The following ACTA2 variants were observed in gnomAD, a reference collection of about 807,000 sequenced individuals.
ACTA2 encodes actin alpha 2, smooth muscle.
ACTA2 carries 12 observed loss-of-function variants against 39.5 expected under a neutral mutation model. The observed-to-expected ratio is 0.30, with a 90% CI of 0.19 to 0.49. ACTA2 has a LOEUF of 0.49. Ranked by LOEUF, ACTA2 falls within the 20% of genes least tolerant of loss-of-function variation. ACTA2 has a pLI of 0.99. For synonymous variants in ACTA2, 158 were observed against 180.6 expected, an observed-to-expected ratio of 0.88 and a Z score of 1.00; for missense variants, 236 against 498.8, an observed-to-expected ratio of 0.47 and a Z score of 5.02.
At chr10:88,943,621 A>G (rs1011264084) in intron 4 of ACTA2, 176 bp downstream of exon 4, 45 of 695,700 alleles carry the variant, frequency 6.5e-5, no homozygotes, top group Non-Finnish European at 1.1e-4. Context: ...CCCTGCAGGA[A>G]GGATGCAAGT....
intron 4 of ACTA2, among the ~76,000 whole-genome samples, chr10:88,942,402 G>A (rs145704228): frequency 6.6e-6 from 1 of 152,338 alleles, no homozygotes; most frequent in East Asian, 1.9e-4. Context: ...CCCCATTTCT[G>A]TGATTTGTCT....
intron 3 of ACTA2, among the ~76,000 whole-genome samples, chr10:88,945,131 A>C (rs1845922393): frequency 6.6e-6 from 1 of 152,214 alleles, no homozygotes; most frequent in Admixed American, 6.5e-5. Context: ...ACCAGAAGAT[A>C]CTTTGAATTT....
chr10:88,989,364 C>T (rs2133375601), intron 1 of ACTA2: 6 of 293,568 alleles, frequency 2.0e-5, no homozygotes, highest in Admixed American at 4.1e-5. Context: ...TTTAAATGAA[C>T]TTTTCATTTT....
chr10:88,955,680 T>C (rs1846126703), upstream of ACTA2, among the ~76,000 whole-genome samples: 1 of 152,232 alleles, frequency 6.6e-6, no homozygotes, highest in South Asian at 2.1e-4. Context: ...CATAATGTTT[T>C]CATTTATTTC....
At chr10:88,963,181 C>G (rs549351423) in intron 1 of ACTA2, among the ~76,000 whole-genome samples, 1 of 151,488 alleles carries the variant, frequency 6.6e-6, no homozygotes, top group Admixed American at 6.6e-5. Flanking sequence ...GGTGGGGACA[C>G]AGCCAAACCA....
At chr10:88,970,772 G>T (rs1440318863) in intron 1 of ACTA2, among the ~76,000 whole-genome samples, 2 of 152,034 alleles carry the variant, frequency 1.3e-5, no homozygotes, top group Non-Finnish European at 2.9e-5. Context: ...TAATGTAAAT[G>T]ACAAGTTAAT....
At chr10:88,986,054 G>C (rs1202238692) in intron 1 of ACTA2, among the ~76,000 whole-genome samples, 2 of 152,038 alleles carry the variant, frequency 1.3e-5, no homozygotes, top group Non-Finnish European at 2.9e-5. Context: ...AAATGACTTA[G>C]GGAACAAAAT....
At position 88,943,793 on chromosome 10, in the gene ACTA2, T is replaced by G; in HGVS notation, c.369+4A>C. The G allele has an allele frequency of 6.2e-7, 1 of 1,610,888 alleles. No homozygotes were observed. The highest frequency in any genetic ancestry group is 8.5e-7 in the Non-Finnish European group (1 of 1,177,112). On this transcript the variant is annotated splice_donor_region_variant and intron_variant, in intron 4 of 8. Coordinates refer to ENST00000224784, the MANE Select transcript of ACTA2 (RefSeq NM_001613.4). ...AGTGTTGTGTGCTGGGGTAGCATAC[T>G]TACTTGAGTCATTTTCTCCCGGTTG... is the stretch of plus-strand genomic sequence containing the variant.
At position 88,941,317 on chromosome 10, in the gene ACTA2, G is replaced by A; in HGVS notation, c.528C>T (p.Ala176=). ...PIYEGYALPH[A]IMRLDLAGRD... ...GGCCAGCCAGATCCAGACGCATGAT[G>A]GCATGGGGCAAGGCATAGCCCTCAT... The change falls in exon 6 of 9, where the codon GCC becomes GCT. Residue 176 remains alanine, a synonymous_variant. Coordinates refer to ENST00000224784, the MANE Select transcript of ACTA2 (RefSeq NM_001613.4). 1 of 1,613,828 alleles carries A rather than the reference G, an allele frequency of 6.2e-7. No homozygotes were observed. Among genetic ancestry groups the A allele is most frequent in the Non-Finnish European group, 8.5e-7 (1 of 1,179,896 alleles).
At chr10:88,951,478 G>C (rs1846047896) in intron 1 of ACTA2, among the ~76,000 whole-genome samples, 2 of 148,970 alleles carry the variant, frequency 1.3e-5, no homozygotes, top group Non-Finnish European at 3.0e-5. Flanking sequence ...CAAGAATGCA[G>C]AAAAATGTTT....
intron 1 of ACTA2, among the ~76,000 whole-genome samples, chr10:88,967,190 G>T (rs749939095): frequency 6.6e-6 from 1 of 152,252 alleles, no homozygotes; most frequent in East Asian, 1.9e-4. Context: ...ACCCTATAGG[G>T]TAATTTTATA....
intron 1 of ACTA2, among the ~76,000 whole-genome samples, chr10:88,965,911 G>A (rs1846310659): frequency 6.6e-6 from 1 of 152,148 alleles, no homozygotes; most frequent in Non-Finnish European, 1.5e-5. Flanking sequence ...GTACACCAAT[G>A]TTTTTTTCCA....
chr10:88,935,545 G>T, intron 8 of ACTA2, 179 bp from the exon 9 acceptor site: 1 of 642,974 alleles, frequency 1.6e-6, no homozygotes, highest in Non-Finnish European at 2.7e-6. Context: ...AGGACCGCCA[G>T]AGGGAGCCAT....
chr10:88,971,132 T>C (rs1319627658), intron 1 of ACTA2, among the ~76,000 whole-genome samples: 3 of 152,240 alleles, frequency 2.0e-5, no homozygotes, highest in Non-Finnish European at 4.4e-5. Context: ...ATTGTAGATT[T>C]GGGCAGAAAA....
chr10:88,979,256 C>G, intron 1 of ACTA2, among the ~76,000 whole-genome samples: 1 of 150,542 alleles, frequency 6.6e-6, no homozygotes, highest in African/African-American at 2.4e-5. Context: ...AGTACTGAGA[C>G]AAAAAAGCAG....
At position 88,939,567 on chromosome 10, in the gene ACTA2, T is replaced by G. The variant is rs755463167; in HGVS notation, c.748A>C (p.Ile250Leu). The G allele has an allele frequency of 2.2e-5, 35 of 1,613,988 alleles. No homozygotes were observed. The highest frequency in any genetic ancestry group is 6.7e-5 in the East Asian group (3 of 44,872). ...CGGAAACGTTCATTTCCGATGGTGA[T>G]CACTTGCCCATCAGGCAACTCGTAA... is the stretch of plus-strand genomic sequence containing the variant. ...KSYELPDGQVITIGNERFRCP... is the reference protein window; with the variant it reads ...KSYELPDGQVLTIGNERFRCP... The change falls in exon 7 of 9, where the codon ATC becomes CTC. Residue 250 changes from isoleucine to leucine, a missense_variant. Physicochemically the swap from Ile to Leu is conservative, Grantham distance 5. Coordinates refer to ENST00000224784, the MANE Select transcript of ACTA2 (RefSeq NM_001613.4).
At chr10:88,936,073 A>G (rs1845732922) in intron 8 of ACTA2, among the ~76,000 whole-genome samples, 1 of 152,246 alleles carries the variant, frequency 6.6e-6, no homozygotes, top group African/African-American at 2.4e-5. Context: ...ACTGATATTT[A>G]CTGAGCATGT....
chr10:88,948,405 T>C, intron 2 of ACTA2: 1 of 191,366 alleles, frequency 5.2e-6, no homozygotes, highest in South Asian at 9.7e-5. Flanking sequence ...TATCGATGCT[T>C]GCTTTCATCT....
chr10:88,951,603 C>T (rs1279552891), intron 1 of ACTA2, among the ~76,000 whole-genome samples: 2 of 152,152 alleles, frequency 1.3e-5, no homozygotes, highest in Non-Finnish European at 2.9e-5. Context: ...AGAGTCAGCT[C>T]AGTGGTTTAC....
Sources: gnomAD v4.1 joint callset for allele counts (sites outside exome capture counted in the v4.1 genomes callset) on GRCh38, gnomAD v4.1.1 for gene constraint, MANE v1.5 for transcripts, NCBI Gene and HGNC (gene_info 2026-07-23, HGNC 2026-07-21) for gene names.